The following TPD52 variants were observed in gnomAD, a reference collection of about 807,000 sequenced individuals.
The protein encoded by TPD52 is tumor protein D52.
TPD52 carries 17 observed loss-of-function variants against 31.3 expected under a neutral mutation model. The observed-to-expected ratio is 0.54, with a 90% CI of 0.37 to 0.82. The LOEUF (loss-of-function observed/expected upper bound fraction) is 0.82, where lower values mean the gene tolerates loss of function less well. Ranked by LOEUF, TPD52 falls within the 40% of genes least tolerant of loss-of-function variation. The pLI, the probability that TPD52 is intolerant of heterozygous loss-of-function variation, is 0.00. For synonymous variants in TPD52, 83 were observed against 89.6 expected, an observed-to-expected ratio of 0.93 and a Z score of 0.42; for missense variants, 212 against 240.1, an observed-to-expected ratio of 0.88 and a Z score of 0.77.
At chr8:80,041,853 G>A (rs1810414902) in intron 7 of TPD52, among the ~76,000 whole-genome samples, 1 of 152,140 alleles carries the variant, frequency 6.6e-6, no homozygotes, top group African/African-American at 2.4e-5. Context: ...ACTTTGGGAG[G>A]CCGAGGCGGG....
intron 1 of TPD52, among the ~76,000 whole-genome samples, chr8:80,116,712 A>G (rs183330499): frequency 6.6e-6 from 1 of 152,200 alleles, no homozygotes; most frequent in East Asian, 1.9e-4. Flanking sequence ...ACAGACTAGT[A>G]TTTCTAATAA....
intron 1 of TPD52, chr8:80,064,990 A>G (rs1162990817): frequency 5.5e-6 from 2 of 366,940 alleles, no homozygotes; most frequent in African/African-American, 2.1e-5. Context: ...AGGAGTTTGC[A>G]TATCTCTTCA....
intron 2 of TPD52, among the ~76,000 whole-genome samples, chr8:80,059,908 T>C (rs60781983): frequency 0.069 from 10,467 of 151,254 alleles, 952 homozygotes; most frequent in African/African-American, 0.21. Context: ...TGGTGAAACC[T>C]CGTCTCTACT....
At chr8:80,138,214 A>G (rs1308819537) in intron 1 of TPD52, among the ~76,000 whole-genome samples, 2 of 152,186 alleles carry the variant, frequency 1.3e-5, no homozygotes, top group Admixed American at 6.5e-5. Context: ...AAGTGCTGAG[A>G]TAACAGGCAT....
chr8:80,052,680 T>C (rs1042784847), intron 3 of TPD52: 3 of 1,289,038 alleles, frequency 2.3e-6, no homozygotes, highest in Non-Finnish European at 3.0e-6. Context: ...CTCCTCCTTG[T>C]GCCGGGAAAC....
intron 1 of TPD52, among the ~76,000 whole-genome samples, chr8:80,110,180 G>C (rs993710331): frequency 5.3e-5 from 8 of 152,120 alleles, no homozygotes; most frequent in African/African-American, 1.9e-4. Flanking sequence ...TGCTTCCATA[G>C]AAATATTAGT....
In TPD52 at chr8:80,069,866, G is replaced by A. The variant is rs150072660; in HGVS notation, c.20-5273C>T. ...GCGAGTGTGGTCAGAGCAGGGAAAGGCAGAGCAGAGTGGCCAAGAACCGGT... is the reference window on the plus strand; with the variant it reads ...GCGAGTGTGGTCAGAGCAGGGAAAGACAGAGCAGAGTGGCCAAGAACCGGT... On this transcript the variant is annotated intron_variant, in intron 1 of 7. Transcript: ENST00000518937. Among the ~76,000 whole-genome samples, 29 of 152,236 alleles carry A rather than the reference G, an allele frequency of 1.9e-4. No homozygotes were observed. The East Asian group carries it at 5.6e-3, about 29-fold the overall frequency.
At chr8:80,156,610 C>T (rs1337752702) in intron 1 of TPD52, among the ~76,000 whole-genome samples, 1 of 151,892 alleles carries the variant, frequency 6.6e-6, no homozygotes, top group African/African-American at 2.4e-5. Context: ...GACCTGAGGA[C>T]GTGTGATATT....
In TPD52 at chr8:80,163,652, C is replaced by T. The variant is rs192156207; in HGVS notation, c.19+7773G>A. Among the ~76,000 whole-genome samples the T allele has an allele frequency of 3.6e-3, 543 of 152,218 alleles. 1 individual carries two copies. Among genetic ancestry groups the T allele is most frequent in the African/African-American group, 0.012 (500 of 41,508 alleles). On this transcript the variant is annotated intron_variant, in intron 1 of 7. Transcript: ENST00000518937. ...TACCATGAGAAAAAGAGGGCATTGACAGTTATGTTTTCCAGAATGAGATTC... is the reference window on the plus strand; with the variant it reads ...TACCATGAGAAAAAGAGGGCATTGATAGTTATGTTTTCCAGAATGAGATTC...
intron 1 of TPD52, among the ~76,000 whole-genome samples, chr8:80,168,292 T>G (rs1811849191): frequency 6.6e-6 from 1 of 152,160 alleles, no homozygotes; most frequent in Non-Finnish European, 1.5e-5. Flanking sequence ...GTACAATCAG[T>G]AGCAAGAACA....
chr8:80,128,896 G>A (rs1187003925), intron 1 of TPD52, among the ~76,000 whole-genome samples: 1 of 149,526 alleles, frequency 6.7e-6, no homozygotes. Flanking sequence ...TTTTTTTTCA[G>A]GAAGAAATGC....
intron 1 of TPD52, among the ~76,000 whole-genome samples, chr8:80,154,953 TTTTG>T (rs1226578512): frequency 2.0e-5 from 3 of 149,376 alleles, no homozygotes; most frequent in East Asian, 3.9e-4. Context: ...TTTGGGGTTG[TTTTG>T]TTTGTTTGGT....
intron 2 of TPD52, among the ~76,000 whole-genome samples, chr8:80,056,227 A>G (rs1451138507): frequency 6.6e-6 from 1 of 152,238 alleles, no homozygotes. Flanking sequence ...AACATGGATG[A>G]GCCTAGAGAA....
intron 1 of TPD52, among the ~76,000 whole-genome samples, chr8:80,072,318 T>C (rs1746736150): frequency 6.4e-5 from 1 of 15,520 alleles, no homozygotes; most frequent in African/African-American, 3.7e-4. Flanking sequence ...AAAACATATA[T>C]GTGTGTGTGT....
intron 1 of TPD52, among the ~76,000 whole-genome samples, chr8:80,150,525 G>A (rs1810500375): frequency 1.3e-5 from 2 of 152,172 alleles, no homozygotes; most frequent in Admixed American, 6.5e-5. Context: ...GACACTCAAC[G>A]CCAGCCCGTG....
intron 1 of TPD52, among the ~76,000 whole-genome samples, chr8:80,165,491 A>G (rs1029739299): frequency 1.3e-5 from 2 of 152,178 alleles, no homozygotes; most frequent in Non-Finnish European, 2.9e-5. Flanking sequence ...ATTTTGGGCT[A>G]AAGGCACTTG....
intron 1 of TPD52, among the ~76,000 whole-genome samples, chr8:80,124,901 C>CT (rs1491213929): frequency 3.9e-5 from 6 of 152,186 alleles, no homozygotes; most frequent in Admixed American, 6.5e-5. Context: ...CATATAGCCC[C>CT]TGTCCCCATA....
rs1423893001 is a variant in TPD52, at chr8:80,037,397, A to G, written c.*719T>C. ...TTAACCTGGTGAAAAATAAGTTGATATAAGTGGTATAATAAACAATACACT... is the reference window on the plus strand; with the variant it reads ...TTAACCTGGTGAAAAATAAGTTGATGTAAGTGGTATAATAAACAATACACT... On this transcript the variant is annotated 3_prime_UTR_variant, in exon 8 of 8. Transcript: ENST00000518937. 2 of 152,232 alleles carry G rather than the reference A, an allele frequency of 1.3e-5. No homozygotes were observed. The highest frequency in any genetic ancestry group is 2.4e-5 in the African/African-American group (1 of 41,468). 9.4% of individuals were successfully genotyped at this position (152,232 alleles called of 1,614,324 possible).
intron 7 of TPD52, among the ~76,000 whole-genome samples, chr8:80,039,312 C>G (rs1810157459): frequency 1.3e-5 from 2 of 152,204 alleles, no homozygotes; most frequent in Admixed American, 1.3e-4. Flanking sequence ...AGCCCCTTCT[C>G]TATTCTTTTT....
Sources: gnomAD v4.1 joint callset for allele counts (sites outside exome capture counted in the v4.1 genomes callset) on GRCh38, gnomAD v4.1.1 for gene constraint, MANE v1.5 for transcripts, NCBI Gene and HGNC (gene_info 2026-07-23, HGNC 2026-07-21) for gene names.